Variants in SIRPD observed in about 807,000 individuals in gnomAD.
SIRPD encodes signal-regulatory protein delta.
In SIRPD, 21 loss-of-function variants were observed where a neutral mutation model predicts 18.0. The observed-to-expected ratio is 1.17, with a 90% CI of 0.83 to 1.68. SIRPD has a LOEUF of 1.68. Ranked by LOEUF, SIRPD falls within the 40% of genes most tolerant of loss-of-function variation. The pLI, the probability that SIRPD is intolerant of heterozygous loss-of-function variation, is 0.00. For synonymous variants in SIRPD, 106 were observed against 92.9 expected (o/e 1.14, Z -0.81); for missense variants, 295 against 238.4 (o/e 1.24, Z -1.56).
intron 2 of SIRPD, among the ~76,000 whole-genome samples, chr20:1,544,242 T>A (rs1031945294): frequency 1.3e-5 from 2 of 152,222 alleles, no homozygotes; most frequent in African/African-American, 4.8e-5. Flanking sequence ...TGTGTGGGTG[T>A]CTAAATGTCT....
At chr20:1,550,415 T>C (rs542260359) in intron 2 of SIRPD, among the ~76,000 whole-genome samples, 1 of 152,316 alleles carries the variant, frequency 6.6e-6, no homozygotes, top group Admixed American at 6.5e-5. Context: ...GGGGAATGAA[T>C]ATCAACATTT....
At chr20:1,536,680 A>G (rs1208792800) in intron 3 of SIRPD, among the ~76,000 whole-genome samples, 1 of 152,146 alleles carries the variant, frequency 6.6e-6, no homozygotes, top group Non-Finnish European at 1.5e-5. Context: ...TTATCTATCT[A>G]CCTATCTATC....
chr20:1,542,850 G>T (rs1463200683), intron 2 of SIRPD, among the ~76,000 whole-genome samples: 1 of 152,156 alleles, frequency 6.6e-6, no homozygotes, highest in Non-Finnish European at 1.5e-5. Context: ...GAAGGGTGTT[G>T]AATTTTATTG....
intron 2 of SIRPD, among the ~76,000 whole-genome samples, chr20:1,551,134 A>G (rs551958750): frequency 6.6e-6 from 1 of 152,368 alleles, no homozygotes; most frequent in South Asian, 2.1e-4. Flanking sequence ...TTAGAGGTCC[A>G]GAGGTGAGAT....
intron 1 of SIRPD, among the ~76,000 whole-genome samples, chr20:1,554,670 A>T (rs1330179830): frequency 6.6e-6 from 1 of 152,172 alleles, no homozygotes; most frequent in Non-Finnish European, 1.5e-5. Flanking sequence ...AGCTAAGGAC[A>T]GTATGTTGAT....
intron 2 of SIRPD, among the ~76,000 whole-genome samples, chr20:1,538,298 T>C (rs772121551): frequency 2.2e-4 from 33 of 152,156 alleles, no homozygotes; most frequent in Admixed American, 5.9e-4. Context: ...GCATGATGAG[T>C]GTCCCTCTCC....
chr20:1,552,446 C>T (rs73078712), intron 1 of SIRPD, among the ~76,000 whole-genome samples: 8,360 of 152,228 alleles, frequency 0.055, 265 homozygotes, highest in Non-Finnish European at 0.075. Context: ...GGTTGGCCTT[C>T]CTCTCTCCTC....
At chr20:1,551,662 G>T in intron 2 of SIRPD, 29 bp downstream of exon 2, 3 of 1,520,792 alleles carry the variant, frequency 2.0e-6, no homozygotes, top group Non-Finnish European at 2.7e-6. Context: ...TATACACCAG[G>T]GGGTATGGGG....
intron 1 of SIRPD, 52 bp from the exon 2 acceptor site, chr20:1,552,090 T>C (rs765253308): frequency 1.4e-6 from 2 of 1,473,918 alleles, no homozygotes; most frequent in Non-Finnish European, 9.4e-7. Flanking sequence ...GGCTTAAGCA[T>C]GGGTACGGGT....
chr20:1,537,483 C>A (rs537701391), intron 2 of SIRPD, among the ~76,000 whole-genome samples, 173 bp from the exon 3 acceptor site: 2 of 152,220 alleles, frequency 1.3e-5, no homozygotes, highest in Non-Finnish European at 2.9e-5. Context: ...GGGGCCCTGG[C>A]AGACACCCTT....
chr20:1,552,097 G>A (rs756935193), intron 1 of SIRPD, 59 bp from the exon 2 acceptor site: 3 of 1,421,044 alleles, frequency 2.1e-6, no homozygotes, highest in African/African-American at 1.4e-5. Flanking sequence ...GCATGGGTAC[G>A]GGTCACGGTT....
At chr20:1,552,542 G>T (rs1466489410) in intron 1 of SIRPD, among the ~76,000 whole-genome samples, 1 of 152,106 alleles carries the variant, frequency 6.6e-6, no homozygotes, top group African/African-American at 2.4e-5. Context: ...GAATGAGGTG[G>T]TCTTGGCAAC....
At chr20:1,557,024 A>G (rs2091044378) in intron 1 of SIRPD, among the ~76,000 whole-genome samples, 1 of 152,176 alleles carries the variant, frequency 6.6e-6, no homozygotes, top group South Asian at 2.1e-4. Context: ...AGGCCGAGGC[A>G]GGTGGAACTC....
chr20:1,557,582 T>A lies in SIRPD; in HGVS notation c.72A>T (p.Ala24=). The change falls in exon 1 of 4, where the codon GCA becomes GCT. Residue 24 remains alanine, a splice_region_variant and synonymous_variant. Coordinates refer to ENST00000381623, the MANE Select transcript of SIRPD (RefSeq NM_178460.3). ...CACATACACTGAGGCCCCACTCACC[T>A]GCCAGTTCAAGCAGCAGATACAGCA... The part of the protein sequence containing the change: ...SLLLYLLLEL[A]GVTHVFHVQQ... 1 of 1,570,540 alleles carries A rather than the reference T, an allele frequency of 6.4e-7. No homozygotes were observed.
chr20:1,554,603 AAAATAGAATTTGG>A (rs1355136078), intron 1 of SIRPD, among the ~76,000 whole-genome samples: 10 of 152,312 alleles, frequency 6.6e-5, no homozygotes, highest in Admixed American at 5.2e-4. Flanking sequence ...GAGAAAATGC[AAAATAGAATTTGG>A]GTCAGATTTT....
At chr20:1,536,507 T>C (rs1490324106) in intron 3 of SIRPD, among the ~76,000 whole-genome samples, 1 of 151,458 alleles carries the variant, frequency 6.6e-6, no homozygotes. Flanking sequence ...CTCTCCTGAC[T>C]GTGCAGATCA....
At chr20:1,542,741 C>T (rs1318933876) in intron 2 of SIRPD, among the ~76,000 whole-genome samples, 1 of 152,148 alleles carries the variant, frequency 6.6e-6, no homozygotes, top group African/African-American at 2.4e-5. Context: ...ATGCTTCCAG[C>T]TTTTGTCCAT....
chr20:1,549,804 G>A lies in SIRPD; in HGVS notation c.421+1887C>T, dbSNP rs73569167. On this transcript the variant is annotated intron_variant, in intron 2 of 3. Transcript: ENST00000381623. ...TCCTTGTGCTGTTATGCCACCCATA[G>A]TGGTCTATTTCTGTTGTTTTAAGCC... is the stretch of plus-strand genomic sequence containing the variant. Among the ~76,000 whole-genome samples the A allele has an allele frequency of 9.1e-3, 1,385 of 152,140 alleles. 22 individuals carry two copies. The highest frequency in any genetic ancestry group is 0.033 in the African/African-American group (1,351 of 41,490).
intron 2 of SIRPD, among the ~76,000 whole-genome samples, chr20:1,546,817 G>T (rs1013237664): frequency 6.6e-6 from 1 of 152,074 alleles, no homozygotes; most frequent in African/African-American, 2.4e-5. Context: ...GTTTTGATTT[G>T]CATTTCCCTG....
Sources: gnomAD v4.1 joint callset for allele counts (sites outside exome capture counted in the v4.1 genomes callset) on GRCh38, gnomAD v4.1.1 for gene constraint, MANE v1.5 for transcripts, NCBI Gene and HGNC (gene_info 2026-07-23, HGNC 2026-07-21) for gene names.